Variants in NIPA1 observed in about 807,000 individuals in gnomAD.
NIPA1 encodes the protein magnesium transporter NIPA1.
Under a neutral mutation model 23.9 loss-of-function variants are expected in NIPA1, and 13 were observed. That is an observed-to-expected ratio of 0.54 (90% confidence interval 0.35 to 0.87). The LOEUF is 0.87. Ranked by LOEUF, NIPA1 falls within the 40% of genes least tolerant of loss-of-function variation. The pLI, the probability that NIPA1 is intolerant of heterozygous loss-of-function variation, is 0.01. For missense variants in NIPA1, 362 were observed against 429.7 expected (o/e 0.84, Z 1.39); for synonymous variants, 234 against 202.9 (o/e 1.15, Z -1.30).
chr15:22,790,075 T>A (rs887451491), intron 1 of NIPA1, among the ~76,000 whole-genome samples: 3 of 152,092 alleles, frequency 2.0e-5, no homozygotes, highest in African/African-American at 7.2e-5. Flanking sequence ...ATTACAGGTC[T>A]GAGCCACCAT....
At chr15:22,818,557 G>A (rs1473853107) in intron 3 of NIPA1, among the ~76,000 whole-genome samples, 1 of 152,008 alleles carries the variant, frequency 6.6e-6, no homozygotes, top group Admixed American at 6.5e-5. Flanking sequence ...AGCACTTTGG[G>A]AGGCGAGGCG....
intron 2 of NIPA1, 119 bp from the exon 3 acceptor site, chr15:22,812,044 T>C (rs1211205212): frequency 2.5e-6 from 2 of 805,604 alleles, no homozygotes; most frequent in Non-Finnish European, 4.2e-6. Context: ...ATGTGATTCT[T>C]CACAAGTAAT....
chr15:22,804,985 C>T (rs994117474), intron 1 of NIPA1, among the ~76,000 whole-genome samples: 12 of 152,094 alleles, frequency 7.9e-5, no homozygotes, highest in African/African-American at 2.9e-4. Context: ...GGACTACAGG[C>T]ACCTGCCACC....
At chr15:22,815,418 A>G (rs889283684) in intron 3 of NIPA1, among the ~76,000 whole-genome samples, 1 of 151,614 alleles carries the variant, frequency 6.6e-6, no homozygotes, top group Admixed American at 6.6e-5. Flanking sequence ...AGGCCAAGGC[A>G]GGTGGATCAT....
At chr15:22,820,624 G>A (rs1382305921) in intron 4 of NIPA1, 151 bp downstream of exon 4, 86 of 760,192 alleles carry the variant, frequency 1.1e-4, no homozygotes, top group Non-Finnish European at 1.9e-4. Flanking sequence ...CTCTGGGAAC[G>A]TGCATCAGTG....
rs770366194 is a variant in NIPA1, at chr15:22,828,241, C to T, written c.*4002C>T. On this transcript the variant is annotated 3_prime_UTR_variant, in exon 5 of 5. Transcript: ENST00000337435. ...GTGACCTTCCTCCCAAGGACATATC[C>T]GTGTTCATTTTTCATAGGTTTTACT... 25 of 152,460 alleles carry T rather than the reference C, an allele frequency of 1.6e-4. No individual in the cohort carries two copies. The highest frequency in any genetic ancestry group is 4.4e-4 in the African/African-American group (18 of 41,370). 9.4% of individuals were successfully genotyped at this position (152,460 alleles called of 1,614,324 possible). A position where few individuals can be genotyped will look rare whatever the true frequency, so the allele number is the denominator to read the frequency against.
At chr15:22,812,030 C>G (rs961601399) in intron 2 of NIPA1, 133 bp from the exon 3 acceptor site, 6 of 742,076 alleles carry the variant, frequency 8.1e-6, no homozygotes, top group Non-Finnish European at 1.4e-5. Context: ...AGATGACACC[C>G]CAGATGTGAT....
chr15:22,797,345 G>A (rs1425165886), intron 1 of NIPA1, among the ~76,000 whole-genome samples: 1 of 151,980 alleles, frequency 6.6e-6, no homozygotes, highest in Non-Finnish European at 1.5e-5. Context: ...AAGTAGCTGG[G>A]ACTACAGGCG....
chr15:22,810,062 T>C (rs933515374), intron 1 of NIPA1, among the ~76,000 whole-genome samples: 1 of 151,564 alleles, frequency 6.6e-6, no homozygotes, highest in African/African-American at 2.4e-5. Flanking sequence ...AAAAAGTGCT[T>C]AGGAGCATTT....
rs1895663213 is a variant in NIPA1 at position 22,826,879 on chromosome 15, AATGAC to A, written c.*2646_*2650del. 1 of 152,164 alleles carries A rather than the reference AATGAC, an allele frequency of 6.6e-6. No homozygotes were observed. The allele number at this position is 152,164 out of a possible 1,614,324, so 9.4% of individuals were successfully genotyped here. A position where few individuals can be genotyped will look rare whatever the true frequency, so the allele number is the denominator to read the frequency against. ...AGCACGTGACACCAGCCTCAAAGTA[AATGAC>A]ATGACCAGTGGTTGAACAGTCTAAT... On this transcript the variant is annotated 3_prime_UTR_variant, in exon 5 of 5. Transcript: ENST00000337435.
At chr15:22,788,107 C>G (rs1894748321) in intron 1 of NIPA1, among the ~76,000 whole-genome samples, 1 of 152,090 alleles carries the variant, frequency 6.6e-6, no homozygotes, top group Non-Finnish European at 1.5e-5. Flanking sequence ...ATGGTCAACG[C>G]GCGTGACCTT....
At chr15:22,807,799 T>TGTGTGTGTGTGTGTGTGTGTGTGTGA (rs140818178) in intron 1 of NIPA1, among the ~76,000 whole-genome samples, 16 of 151,798 alleles carry the variant, frequency 1.1e-4, no homozygotes, top group African/African-American at 3.4e-4. Context: ...TGTGTGTGTG[T>TGTGTGTGTGTGTGTGTGTGTGTGTGA]GTGTGATGGA....
chr15:22,816,383 T>C (rs1428619444), intron 3 of NIPA1, among the ~76,000 whole-genome samples: 1 of 150,934 alleles, frequency 6.6e-6, no homozygotes, highest in African/African-American at 2.4e-5. Flanking sequence ...GAGACGGGGT[T>C]TCACCATGTT....
chr15:22,797,031 C>A (rs1894952207), intron 1 of NIPA1, among the ~76,000 whole-genome samples: 1 of 150,038 alleles, frequency 6.7e-6, no homozygotes, highest in Non-Finnish European at 1.5e-5. Context: ...GCTGCTATTA[C>A]AATTGAGGTT....
chr15:22,818,830 C>T (rs1021421680), intron 3 of NIPA1, among the ~76,000 whole-genome samples: 4 of 152,162 alleles, frequency 2.6e-5, no homozygotes, highest in South Asian at 4.1e-4. Context: ...GAAAATGGCA[C>T]TGTCCTCTGG....
In NIPA1 at chr15:22,822,567, G is replaced by A. The variant is rs191946148; in HGVS notation, c.479-1161G>A. ...TTCTAGGCCGGGCACAGTGGCTCAC[G>A]CCTGTAATCCCAACACTTTGGGAGG... On this transcript the variant is annotated intron_variant, in intron 4 of 4. Coordinates refer to ENST00000337435, the MANE Select transcript of NIPA1 (RefSeq NM_144599.5). Among the ~76,000 whole-genome samples, 21 of 152,260 alleles carry A rather than the reference G, an allele frequency of 1.4e-4. No individual in the cohort carries two copies. In the South Asian group the frequency reaches 1.4e-3, roughly 11 times the overall value.
chr15:22,809,777 C>T (rs1479430515), intron 1 of NIPA1, among the ~76,000 whole-genome samples: 1 of 149,616 alleles, frequency 6.7e-6, no homozygotes, highest in African/African-American at 2.5e-5. Flanking sequence ...CGGTGGCTCA[C>T]ACCTGTAATC....
At chr15:22,788,983 T>C (rs529785918) in intron 1 of NIPA1, among the ~76,000 whole-genome samples, 75 of 151,420 alleles carry the variant, frequency 5.0e-4, no homozygotes, top group African/African-American at 1.7e-3. Context: ...TTCATTCATT[T>C]ATTTATTTTT....
intron 1 of NIPA1, among the ~76,000 whole-genome samples, chr15:22,795,577 A>G (rs1219564274): frequency 6.6e-6 from 1 of 152,052 alleles, no homozygotes; most frequent in African/African-American, 2.4e-5. Flanking sequence ...GGACGCCCTT[A>G]CAGCGTGCTG....
Sources: allele counts gnomAD v4.1 joint callset (sites outside exome capture counted in the v4.1 genomes callset), GRCh38; gene constraint gnomAD v4.1.1; transcripts MANE v1.5; gene names NCBI Gene and HGNC (gene_info 2026-07-23, HGNC 2026-07-21).